MICU1: variants seen among roughly 807,000 people sequenced by gnomAD.
The protein encoded by MICU1 is calcium uptake protein 1, mitochondrial.
In MICU1, 45 loss-of-function variants were observed where a neutral mutation model predicts 56.8. The ratio of observed to expected loss-of-function variants is 0.79; its 90% CI spans 0.62 to 1.02. MICU1 has a LOEUF of 1.02. Ranked by LOEUF, MICU1 falls within the 50% of genes least tolerant of loss-of-function variation. The pLI, the probability that MICU1 is intolerant of heterozygous loss-of-function variation, is 0.00. For missense variants in MICU1, 504 were observed against 587.1 expected, an observed-to-expected ratio of 0.86 and a Z score of 1.46; for synonymous variants, 186 against 195.1, an observed-to-expected ratio of 0.95 and a Z score of 0.39.
intron 1 of MICU1, among the ~76,000 whole-genome samples, chr10:72,608,402 C>T (rs565616962): frequency 2.6e-5 from 4 of 152,198 alleles, no homozygotes; most frequent in African/African-American, 9.6e-5. Context: ...ACCTAAATAC[C>T]ATTTGAATCC....
rs114352773 is a variant in MICU1 at position 72,430,977 on chromosome 10, G to T, written c.934-7606C>A. Among the ~76,000 whole-genome samples the T allele has an allele frequency of 7.5e-3, 1,132 of 150,844 alleles. 15 individuals are homozygous for T. Among genetic ancestry groups the T allele is most frequent in the African/African-American group, 0.026 (1,067 of 40,530 alleles). ...CAGTGGATATATTCTTTTGCAATTTGTTTTTTTTAATCCTCATTATATTTC... is the reference window on the plus strand; with the variant it reads ...CAGTGGATATATTCTTTTGCAATTTTTTTTTTTTAATCCTCATTATATTTC... On this transcript the variant is annotated intron_variant, in intron 8 of 11. Coordinates refer to ENST00000361114, the MANE Select transcript of MICU1 (RefSeq NM_001195518.2).
intron 8 of MICU1, among the ~76,000 whole-genome samples, chr10:72,444,642 G>A (rs1025583733): frequency 2.0e-5 from 3 of 152,068 alleles, no homozygotes; most frequent in African/African-American, 4.8e-5. Flanking sequence ...TAGAGACAGG[G>A]TTTCGCCATG....
At chr10:72,452,590 T>C (rs990670835) in intron 8 of MICU1, among the ~76,000 whole-genome samples, 1 of 152,184 alleles carries the variant, frequency 6.6e-6, no homozygotes, top group Non-Finnish European at 1.5e-5. Context: ...TTACCTACCA[T>C]TATGTTGCAA....
At chr10:72,611,229 A>T (rs1035514979) in intron 1 of MICU1, among the ~76,000 whole-genome samples, 3 of 149,650 alleles carry the variant, frequency 2.0e-5, no homozygotes, top group Non-Finnish European at 4.4e-5. Flanking sequence ...CGGGAACCCG[A>T]GAGGCGGAGT....
At chr10:72,425,413 T>C (rs1183128300) in intron 8 of MICU1, among the ~76,000 whole-genome samples, 2 of 152,254 alleles carry the variant, frequency 1.3e-5, no homozygotes, top group Non-Finnish European at 2.9e-5. Context: ...CTGTTCTTCA[T>C]AGGGGCACAA....
In MICU1 at chr10:72,422,538, A is replaced by G. The variant is rs375514402; in HGVS notation, c.1071+696T>C. Among the ~76,000 whole-genome samples the G allele has an allele frequency of 2.0e-5, 3 of 152,062 alleles. No individual in the cohort carries two copies. In the South Asian group the frequency reaches 6.2e-4, roughly 32 times the overall value. On this transcript the variant is annotated intron_variant, in intron 9 of 11. Coordinates refer to ENST00000361114, the MANE Select transcript of MICU1 (RefSeq NM_001195518.2). ...TCGAATAGGGATGCCTTCCAACTAG[A>G]CTACTCTAATGAAACAGCCCTCTCA...
At chr10:72,522,313 G>A (rs1867847676) in intron 5 of MICU1, among the ~76,000 whole-genome samples, 1 of 152,096 alleles carries the variant, frequency 6.6e-6, no homozygotes, top group African/African-American at 2.4e-5. Context: ...AAAAGCTAAA[G>A]ATGAAGGTGT....
chr10:72,399,292 T>TCA (rs1046041976), intron 10 of MICU1, among the ~76,000 whole-genome samples: 1 of 149,712 alleles, frequency 6.7e-6, no homozygotes, highest in Non-Finnish European at 1.5e-5. Flanking sequence ...AAGGGGAACA[T>TCA]CACACACTGG....
chr10:72,580,079 G>C (rs189745377), intron 1 of MICU1, among the ~76,000 whole-genome samples: 1 of 152,060 alleles, frequency 6.6e-6, no homozygotes, highest in Non-Finnish European at 1.5e-5. Context: ...TTTAGTAAGA[G>C]AATTTTATAA....
At chr10:72,453,683 C>T (rs553036841) in intron 8 of MICU1, among the ~76,000 whole-genome samples, 2 of 152,076 alleles carry the variant, frequency 1.3e-5, no homozygotes, top group Admixed American at 1.3e-4. Context: ...GCTTGCACCA[C>T]CACGCCGGGC....
intron 10 of MICU1, among the ~76,000 whole-genome samples, chr10:72,389,548 T>C (rs1589161825): frequency 6.6e-6 from 1 of 152,200 alleles, no homozygotes; most frequent in Non-Finnish European, 1.5e-5. Flanking sequence ...CAAGGCCAAC[T>C]ATGCCATAAA....
intron 1 of MICU1, among the ~76,000 whole-genome samples, chr10:72,609,944 G>C (rs1367864289): frequency 6.6e-6 from 1 of 151,270 alleles, no homozygotes; most frequent in East Asian, 1.9e-4. Flanking sequence ...CTGAGGCAGA[G>C]AGTTGCTTAA....
intron 3 of MICU1, among the ~76,000 whole-genome samples, chr10:72,551,883 G>A (rs532270392): frequency 5.9e-5 from 9 of 152,062 alleles, no homozygotes; most frequent in African/African-American, 9.6e-5. Flanking sequence ...TGATCCTTCC[G>A]CCATGGCCTC....
chr10:72,430,494 AC>A (rs1183602011), intron 8 of MICU1, among the ~76,000 whole-genome samples: 1 of 152,150 alleles, frequency 6.6e-6, no homozygotes, highest in African/African-American at 2.4e-5. Context: ...CCTCCCACTT[AC>A]CCTGAGAAAG....
intron 6 of MICU1, among the ~76,000 whole-genome samples, chr10:72,482,654 C>T (rs181066558): frequency 8.6e-5 from 13 of 152,010 alleles, no homozygotes; most frequent in African/African-American, 2.9e-4. Context: ...ATAGTTTAAT[C>T]TTCTAGAGAA....
chr10:72,556,113 T>C (rs1840152574), intron 3 of MICU1, among the ~76,000 whole-genome samples: 1 of 152,164 alleles, frequency 6.6e-6, no homozygotes. Context: ...CGGCACACTC[T>C]CTCTCAAGAG....
At chr10:72,458,384 A>G (rs1299321163) in intron 8 of MICU1, among the ~76,000 whole-genome samples, 1 of 152,172 alleles carries the variant, frequency 6.6e-6, no homozygotes, top group Admixed American at 6.5e-5. Flanking sequence ...TCCATAATAT[A>G]TCTACATGGA....
At chr10:72,481,247 A>G (rs2132280955) in intron 6 of MICU1, among the ~76,000 whole-genome samples, 1 of 152,340 alleles carries the variant, frequency 6.6e-6, no homozygotes, top group Non-Finnish European at 1.5e-5. Flanking sequence ...TATGATGTCA[A>G]GCGATTCTCT....
chr10:72,418,102 A>G (rs937032616), intron 9 of MICU1, among the ~76,000 whole-genome samples: 1 of 152,190 alleles, frequency 6.6e-6, no homozygotes, highest in Non-Finnish European at 1.5e-5. Flanking sequence ...ACTCATTGTC[A>G]TGAGAACAGG....
Sources: gnomAD v4.1 joint callset for allele counts (sites outside exome capture counted in the v4.1 genomes callset) on GRCh38, gnomAD v4.1.1 for gene constraint, MANE v1.5 for transcripts, NCBI Gene and HGNC (gene_info 2026-07-23, HGNC 2026-07-21) for gene names.